Variants in XRN1 observed in about 807,000 individuals in gnomAD.
The protein encoded by XRN1 is 5'-3' exoribonuclease 1.
A neutral mutation model predicts 222.3 loss-of-function variants in XRN1; 67 were observed. The ratio of observed to expected loss-of-function variants is 0.30; its 90% CI spans 0.25 to 0.37. The LOEUF (loss-of-function observed/expected upper bound fraction) is 0.37. Ranked by LOEUF, XRN1 falls within the 10% of genes least tolerant of loss-of-function variation. XRN1 has a pLI of 1.00. For missense variants in XRN1, 1,707 were observed against 2,000.2 expected (o/e 0.85, Z 2.80); for synonymous variants, 643 against 652.4 (o/e 0.99, Z 0.22).
intron 1 of XRN1, among the ~76,000 whole-genome samples, chr3:142,444,173 G>A (rs1487402921): frequency 1.3e-5 from 2 of 152,184 alleles, no homozygotes; most frequent in East Asian, 1.9e-4. Context: ...GTCTGGGCAC[G>A]GGGGCTCACG....
At chr3:142,435,785 C>A (rs2069866665) in intron 1 of XRN1, among the ~76,000 whole-genome samples, 1 of 134,076 alleles carries the variant, frequency 7.5e-6, no homozygotes, top group South Asian at 2.3e-4. Flanking sequence ...AAAAAAAGGC[C>A]AGGTGCAGTG....
chr3:142,378,497 G>A (rs1401559009), intron 23 of XRN1, among the ~76,000 whole-genome samples: 1 of 152,004 alleles, frequency 6.6e-6, no homozygotes, highest in Non-Finnish European at 1.5e-5. Context: ...AGAGAATAAG[G>A]ACACACTTTT....
At chr3:142,377,837 C>G (rs1577324534) in intron 23 of XRN1, among the ~76,000 whole-genome samples, 1 of 152,064 alleles carries the variant, frequency 6.6e-6, no homozygotes, top group African/African-American at 2.4e-5. Flanking sequence ...GATGAAGGAA[C>G]ACAAGTTATT....
In XRN1 at chr3:142,308,873, T is replaced by G. The variant is rs975044261; in HGVS notation, c.*2638A>C. 6.6e-6 allele frequency: 1 copy of G among 152,220 alleles called. No individual in the cohort carries two copies. Among genetic ancestry groups the G allele is most frequent in the Non-Finnish European group, 1.5e-5 (1 of 68,036 alleles). 9.4% of individuals were successfully genotyped at this position (152,220 alleles called of 1,614,324 possible). ...CAAAAAGTCCTCAGAAGATTCAAGT[T>G]GAATGAGCATATTTTTAAACTTTGG... On this transcript the variant is annotated 3_prime_UTR_variant, in exon 41 of 41. Transcript: ENST00000392981.
At position 142,448,023 on chromosome 3, in the gene XRN1, C is replaced by G; in HGVS notation, c.-79G>C. The G allele has an allele frequency of 2.0e-6, 3 of 1,467,450 alleles. No individual in the cohort carries two copies. Among genetic ancestry groups the G allele is most frequent in the South Asian group, 2.3e-5 (2 of 86,664 alleles). The allele number at this position is 1,467,450 out of a possible 1,614,324, so 90.9% of individuals were successfully genotyped here. ...CCGGGGCTCCGCCGCAGCCTCCGGT[C>G]GTCGCTCCGCGGATGACAACACACC... On this transcript the variant is annotated 5_prime_UTR_variant, in exon 1 of 41. Coordinates refer to ENST00000392981, the MANE Select transcript of XRN1 (RefSeq NM_001282857.2).
At chr3:142,367,926 T>TA (rs2066868817) in intron 27 of XRN1, among the ~76,000 whole-genome samples, 1 of 91,090 alleles carries the variant, frequency 1.1e-5, no homozygotes, top group Non-Finnish European at 2.1e-5. Flanking sequence ...TTTATTGCCC[T>TA]AGTAACATAA....
rs753449310 is a variant in XRN1, at chr3:142,447,931, T to C, written c.14A>G (p.Lys5Arg). 45 of 1,613,854 alleles carry C rather than the reference T, an allele frequency of 2.8e-5. No individual in the cohort carries two copies. The highest frequency in any genetic ancestry group is 2.4e-5 in the Non-Finnish European group (28 of 1,179,978). ...CCGCTCTGAGATCCATCTGTAAAAC[T>C]TGGGGACTCCCATTTCGATCGTCAA... MGVP[K>R]FYRWISERYP... Residue 5 changes from lysine to arginine, a missense_variant, in exon 1 of 41, where the codon AAG becomes AGG. This residue lies in a region of XRN1 where 1,234 missense variants were observed against 1,518.2 expected (regional missense o/e 0.81). Transcript: ENST00000392981. This position sits in a 1 kb window ranked among gnomAD's most constrained non-coding sequence, Gnocchi z 4.2.
At chr3:142,400,395 T>A in intron 19 of XRN1, 49 bp downstream of exon 19, 2 of 1,451,418 alleles carry the variant, frequency 1.4e-6, no homozygotes, top group Non-Finnish European at 1.9e-6. Flanking sequence ...GCCATCAAAG[T>A]CACAAAGCAA....
intron 39 of XRN1, among the ~76,000 whole-genome samples, chr3:142,315,785 G>T (rs546270440): frequency 5.9e-5 from 9 of 152,202 alleles, no homozygotes; most frequent in Non-Finnish European, 7.4e-5. Flanking sequence ...AAACTGCTGG[G>T]ATTACAAGCG....
chr3:142,402,130 T>C (rs2068162037), intron 18 of XRN1, among the ~76,000 whole-genome samples: 1 of 152,114 alleles, frequency 6.6e-6, no homozygotes, highest in East Asian at 1.9e-4. Flanking sequence ...AATATCCTTC[T>C]CTCTCTCCAA....
intron 29 of XRN1, among the ~76,000 whole-genome samples, chr3:142,360,647 G>C (rs994543062): frequency 2.6e-5 from 4 of 151,798 alleles, no homozygotes; most frequent in Non-Finnish European, 5.9e-5. Context: ...GGTGGATCAC[G>C]AGGTCAGGAG....
In XRN1 at chr3:142,376,147, C is replaced by T; in HGVS notation, c.2832-203G>A. ...AAAACTAGAAGAAAAGCTTCAAAAC[C>T]CAAGTTAACAAAGCATGTAAATAAA... On this transcript the variant is annotated intron_variant, in intron 24 of 40. Transcript: ENST00000392981. 5.6e-6 allele frequency: 5 copies of T among 896,732 alleles called. No individual in the cohort carries two copies. The East Asian group carries it at 1.6e-4, about 28-fold the overall frequency. 55.5% of individuals were successfully genotyped at this position (896,732 alleles called of 1,614,324 possible). A position where few individuals can be genotyped will look rare whatever the true frequency, so the allele number is the denominator to read the frequency against.
intron 24 of XRN1, 93 bp from the exon 25 acceptor site, chr3:142,376,037 T>A: frequency 2.8e-6 from 4 of 1,422,204 alleles, no homozygotes; most frequent in Non-Finnish European, 3.7e-6. Flanking sequence ...CAAAAAGTTT[T>A]GCTTTCAATT....
In XRN1 at chr3:142,312,569, A is replaced by C. The variant is rs772046870; in HGVS notation, c.4782+29T>G. 3.3e-6 allele frequency: 5 copies of C among 1,500,532 alleles called. No homozygotes were observed. In the East Asian group the frequency reaches 1.2e-4, roughly 37 times the overall value. The allele number at this position is 1,500,532 out of a possible 1,614,324, so 93.0% of individuals were successfully genotyped here. On this transcript the variant is annotated intron_variant, in intron 40 of 40. Transcript: ENST00000392981. ...AATAGTCTTTCAGCATTAAACAAAT[A>C]ATTATCTTAAAAATATTATTTTTCT...
rs2070547158 is a variant in XRN1 at position 142,447,274 on chromosome 3, A to G, written c.75+596T>C. On this transcript the variant is annotated intron_variant, in intron 1 of 40. Transcript: ENST00000392981. This position sits in a 1 kb window ranked among gnomAD's most constrained non-coding sequence, Gnocchi z 4.2. ...CGCCCCACTCCCCAGCTGGCCCAAG[A>G]GTTTTTTGTTTTGGCAACAGGGGAT... Among the ~76,000 whole-genome samples the G allele has an allele frequency of 6.6e-6, 1 of 151,974 alleles. No individual in the cohort carries two copies. Among genetic ancestry groups the G allele is most frequent in the Non-Finnish European group, 1.5e-5 (1 of 67,984 alleles).
intron 33 of XRN1, among the ~76,000 whole-genome samples, chr3:142,336,290 G>A (rs990954506): frequency 6.6e-6 from 1 of 152,030 alleles, no homozygotes; most frequent in African/African-American, 2.4e-5. Context: ...TGTAATTATT[G>A]CATAATATTC....
Position 142,311,377 on chromosome 3 carries a change from TTAAAAA to T in XRN1, c.*128_*133del. 2.3e-6 allele frequency: 2 copies of T among 885,204 alleles called. No homozygotes were observed. The highest frequency in any genetic ancestry group is 5.0e-5 in the South Asian group (2 of 39,904). The allele number at this position is 885,204 out of a possible 1,614,324, so 54.8% of individuals were successfully genotyped here. A position where few individuals can be genotyped will look rare whatever the true frequency, so the allele number is the denominator to read the frequency against. On this transcript the variant is annotated 3_prime_UTR_variant, in exon 41 of 41. Coordinates refer to ENST00000392981, the MANE Select transcript of XRN1 (RefSeq NM_001282857.2). ...AACAGCATGAAAAGTGCCTGATAACTTAAAAATGAAAAAAATTTCAATTTACACATA... is the reference window on the plus strand; with the variant it reads ...AACAGCATGAAAAGTGCCTGATAACTTGAAAAAAATTTCAATTTACACATA...
chr3:142,334,086 C>A (rs1337779473), intron 34 of XRN1, among the ~76,000 whole-genome samples: 1 of 152,040 alleles, frequency 6.6e-6, no homozygotes, highest in Non-Finnish European at 1.5e-5. Flanking sequence ...TCTTTAAAAT[C>A]GTATGTATTT....
At chr3:142,311,858 A>G (rs1358797386) in intron 40 of XRN1, 45 bp from the exon 41 acceptor site, 1 of 1,515,208 alleles carries the variant, frequency 6.6e-7, no homozygotes, top group Non-Finnish European at 8.8e-7. Context: ...TAGGCAAAAA[A>G]TTAGCTAGTG....
Sources: allele counts gnomAD v4.1 joint callset (sites outside exome capture counted in the v4.1 genomes callset), GRCh38; gene constraint gnomAD v4.1.1; regional missense constraint gnomAD v4.1.1; non-coding constraint Gnocchi (gnomAD v3.1); transcripts MANE v1.5; gene names NCBI Gene and HGNC (gene_info 2026-07-23, HGNC 2026-07-21).